The following UNC5C variants were observed in gnomAD, a reference collection of about 807,000 sequenced individuals.
The protein encoded by UNC5C is netrin receptor UNC5C.
Under a neutral mutation model 99.8 loss-of-function variants are expected in UNC5C, and 47 were observed. The ratio of observed to expected loss-of-function variants is 0.47; its 90% CI spans 0.37 to 0.60. The LOEUF is 0.60. Ranked by LOEUF, UNC5C falls within the 20% of genes least tolerant of loss-of-function variation. The pLI is 0.00. For synonymous variants in UNC5C, 487 were observed against 452.2 expected (o/e 1.08, Z -0.98); for missense variants, 1,062 against 1,165.9 (o/e 0.91, Z 1.30).
intron 3 of UNC5C, among the ~76,000 whole-genome samples, chr4:95,301,183 T>G (rs1429464843): frequency 6.9e-6 from 1 of 145,964 alleles, no homozygotes; most frequent in Non-Finnish European, 1.5e-5. Flanking sequence ...CTGGGAGCAG[T>G]TTTTTTCCAG....
intron 3 of UNC5C, among the ~76,000 whole-genome samples, chr4:95,280,185 A>G (rs1741003349): frequency 2.0e-5 from 3 of 152,282 alleles, no homozygotes; most frequent in South Asian, 4.1e-4. Flanking sequence ...GCACCTGGAA[A>G]AAAATGCACT....
intron 7 of UNC5C, among the ~76,000 whole-genome samples, chr4:95,237,663 A>AAT (rs1739169708): frequency 6.6e-6 from 1 of 152,188 alleles, no homozygotes; most frequent in Non-Finnish European, 1.5e-5. Context: ...AATGATCTCT[A>AAT]ATATATATTA....
At chr4:95,525,191 G>A (rs951838234) in intron 1 of UNC5C, among the ~76,000 whole-genome samples, 1 of 152,090 alleles carries the variant, frequency 6.6e-6, no homozygotes, top group Non-Finnish European at 1.5e-5. Context: ...TGTGTTGCTG[G>A]CCTAATGCAT....
At chr4:95,519,159 C>CTT (rs1447323120) in intron 1 of UNC5C, among the ~76,000 whole-genome samples, 3 of 152,008 alleles carry the variant, frequency 2.0e-5, no homozygotes, top group Non-Finnish European at 2.9e-5. Flanking sequence ...TATTATGATG[C>CTT]TTGAGTAGTC....
chr4:95,265,272 TG>T (rs1482316598), intron 4 of UNC5C, among the ~76,000 whole-genome samples: 1 of 151,520 alleles, frequency 6.6e-6, no homozygotes, highest in African/African-American at 2.4e-5. Flanking sequence ...TAATTCCATC[TG>T]GATGCTCAAC....
At chr4:95,481,876 T>A (rs1295567283) in intron 1 of UNC5C, among the ~76,000 whole-genome samples, 2 of 152,044 alleles carry the variant, frequency 1.3e-5, no homozygotes, top group African/African-American at 4.8e-5. Flanking sequence ...GATTAAAGAC[T>A]TCAATGTTAA....
chr4:95,181,496 G>T (rs150610206), intron 14 of UNC5C, among the ~76,000 whole-genome samples: 5 of 152,032 alleles, frequency 3.3e-5, no homozygotes, highest in South Asian at 2.1e-4. Context: ...CCAAAATTCC[G>T]CAGCCTTTGT....
intron 1 of UNC5C, among the ~76,000 whole-genome samples, chr4:95,355,509 G>A (rs1334664950): frequency 6.6e-6 from 1 of 152,072 alleles, no homozygotes; most frequent in East Asian, 1.9e-4. Flanking sequence ...CTTCCAGCAT[G>A]GGGTTGTTGC....
intron 3 of UNC5C, among the ~76,000 whole-genome samples, chr4:95,299,406 C>T (rs888334044): frequency 3.9e-5 from 6 of 152,084 alleles, no homozygotes; most frequent in African/African-American, 1.4e-4. Flanking sequence ...CCATCCAATC[C>T]GTGGTGTTTT....
At chr4:95,261,413 T>C (rs958307794) in intron 4 of UNC5C, among the ~76,000 whole-genome samples, 1 of 152,192 alleles carries the variant, frequency 6.6e-6, no homozygotes, top group Non-Finnish European at 1.5e-5. Flanking sequence ...CCCCAAATTT[T>C]TGACAATGAC....
At chr4:95,301,230 C>A (rs1421596017) in intron 3 of UNC5C, among the ~76,000 whole-genome samples, 1 of 126,512 alleles carries the variant, frequency 7.9e-6, no homozygotes. Flanking sequence ...CAGTCTTGCT[C>A]TGTAGCCCAG....
intron 1 of UNC5C, among the ~76,000 whole-genome samples, chr4:95,341,439 AC>A (rs1259181828): frequency 6.6e-6 from 1 of 151,656 alleles, no homozygotes; most frequent in African/African-American, 2.4e-5. Flanking sequence ...GTAGAATTAT[AC>A]CATTTTTTTT....
rs575537268 is a variant in UNC5C at position 95,177,125 on chromosome 4, G to A, written c.2451+5772C>T. Among the ~76,000 whole-genome samples, 8 of 152,318 alleles carry A rather than the reference G, an allele frequency of 5.3e-5. No homozygotes were observed. In the South Asian group the frequency reaches 1.7e-3, roughly 32 times the overall value. ...CTCACGCACGGTGCGCGCACCCACT[G>A]ACCTGCGCCCACTGTCTGGCACTCC... On this transcript the variant is annotated intron_variant, in intron 14 of 15. Coordinates refer to ENST00000453304, the MANE Select transcript of UNC5C (RefSeq NM_003728.4).
intron 2 of UNC5C, among the ~76,000 whole-genome samples, chr4:95,308,968 T>C (rs115406460): frequency 0.012 from 1,770 of 152,142 alleles, 38 homozygotes; most frequent in African/African-American, 0.04. Flanking sequence ...AGACCCTGAA[T>C]AGCTAATGCA....
intron 5 of UNC5C, chr4:95,248,378 A>C (rs1739576789): frequency 2.9e-6 from 1 of 339,296 alleles, no homozygotes; most frequent in South Asian, 2.2e-5. Context: ...AAGAGTAGCA[A>C]GTTATGAAAA....
chr4:95,525,023 C>T (rs975348682), intron 1 of UNC5C, among the ~76,000 whole-genome samples: 24 of 152,106 alleles, frequency 1.6e-4, no homozygotes, highest in African/African-American at 5.8e-4. Flanking sequence ...ATTAATGGGT[C>T]ACCGAAGCCT....
intron 1 of UNC5C, among the ~76,000 whole-genome samples, chr4:95,339,667 A>C (rs987232602): frequency 6.6e-6 from 1 of 152,058 alleles, no homozygotes; most frequent in Non-Finnish European, 1.5e-5. Context: ...CTGTGAACTT[A>C]TTTCTGGCAA....
At position 95,165,931 on chromosome 4, in the gene UNC5C, G is replaced by A. The variant is rs1469274245; in HGVS notation, c.*3303C>T. On this transcript the variant is annotated 3_prime_UTR_variant, in exon 16 of 16. Transcript: ENST00000453304. ...AATGAGTTGATGTACTGGGCTCACA[G>A]TGACCTAATATTGAGATGAGTGATG... The A allele has an allele frequency of 6.6e-6, 1 of 152,118 alleles. No individual in the cohort carries two copies. The highest frequency in any genetic ancestry group is 1.5e-5 in the Non-Finnish European group (1 of 68,032). The allele number at this position is 152,118 out of a possible 1,614,324, so 9.4% of individuals were successfully genotyped here.
intron 1 of UNC5C, among the ~76,000 whole-genome samples, chr4:95,423,538 G>C (rs1343926555): frequency 6.6e-6 from 1 of 152,168 alleles, no homozygotes; most frequent in African/African-American, 2.4e-5. Context: ...CAAAAAGACA[G>C]AAAAAGTTCC....
Sources: allele counts gnomAD v4.1 joint callset (sites outside exome capture counted in the v4.1 genomes callset), GRCh38; gene constraint gnomAD v4.1.1; transcripts MANE v1.5; gene names NCBI Gene and HGNC (gene_info 2026-07-23, HGNC 2026-07-21).